TMEM71: variants seen among roughly 807,000 people sequenced by gnomAD.
The protein encoded by TMEM71 is transmembrane protein 71.
TMEM71 carries 44 observed loss-of-function variants against 38.0 expected under a neutral mutation model. The ratio of observed to expected loss-of-function variants is 1.16; its 90% CI spans 0.91 to 1.49. TMEM71 has a LOEUF of 1.49. Ranked by LOEUF, TMEM71 falls within the 40% of genes most tolerant of loss-of-function variation. The pLI, the probability that TMEM71 is intolerant of heterozygous loss-of-function variation, is 0.00. For missense variants in TMEM71, 367 were observed against 348.6 expected (o/e 1.05, Z -0.42); for synonymous variants, 133 against 122.5 (o/e 1.09, Z -0.56).
chr8:132,720,199 A>G (rs531911957), intron 7 of TMEM71, among the ~76,000 whole-genome samples: 1 of 152,234 alleles, frequency 6.6e-6, no homozygotes, highest in Admixed American at 6.5e-5. Flanking sequence ...CTGTTTCTCC[A>G]CTGAAGAGTT....
At chr8:132,770,773 C>G in the TMEM71 span, among the ~76,000 whole-genome samples, 2 of 152,172 alleles carry the variant, frequency 1.3e-5, no homozygotes, top group African/African-American at 4.8e-5. Context: ...CACTGCGGGT[C>G]TGAATATTTC....
At chr8:132,746,470 T>TATATACATATAC in intron 5 of TMEM71, among the ~76,000 whole-genome samples, 3 of 12,880 alleles carry the variant, frequency 2.3e-4, no homozygotes, top group African/African-American at 8.6e-4. Context: ...TATACATATA[T>TATATACATATAC]ATATACATAT....
At chr8:132,752,506 C>T (rs1199757841) in intron 3 of TMEM71, among the ~76,000 whole-genome samples, 6 of 152,152 alleles carry the variant, frequency 3.9e-5, no homozygotes, top group Admixed American at 3.9e-4. Flanking sequence ...CAGTTACCTT[C>T]CCTGATTTGG....
chr8:132,770,593 A>T, the TMEM71 span, among the ~76,000 whole-genome samples: 1 of 152,174 alleles, frequency 6.6e-6, no homozygotes, highest in Non-Finnish European at 1.5e-5. Context: ...ATCAAGCTAA[A>T]CCTTAAGAAG....
At position 132,722,030 on chromosome 8, in the gene TMEM71, C is replaced by T. The variant is rs755126444; in HGVS notation, c.752+10G>A. 8.4e-5 allele frequency: 135 copies of T among 1,610,752 alleles called. 2 individuals are homozygous for T. The highest frequency in any genetic ancestry group is 6.5e-4 in the South Asian group (59 of 91,028). On this transcript the variant is annotated intron_variant, in intron 7 of 9. Transcript: ENST00000677595. ...GAAATACCGCTGCATGAAAATAAAACGTGAATTACCTTGCACATGCAGAAA... is the reference window on the plus strand; with the variant it reads ...GAAATACCGCTGCATGAAAATAAAATGTGAATTACCTTGCACATGCAGAAA...
At chr8:132,716,940 A>T (rs924050824) in intron 7 of TMEM71, among the ~76,000 whole-genome samples, 2 of 152,198 alleles carry the variant, frequency 1.3e-5, no homozygotes, top group Non-Finnish European at 2.9e-5. Context: ...TACCAAAATG[A>T]TGTGCAAGGG....
chr8:132,722,082 G>T lies in TMEM71; in HGVS notation c.710C>A (p.Ala237Glu). 1 of 1,614,012 alleles carries T rather than the reference G, an allele frequency of 6.2e-7. No homozygotes were observed. The change falls in exon 7 of 10, where the codon GCA (alanine) becomes GAA (glutamate). Residue 237 changes from alanine to glutamate, a missense_variant. By Grantham distance (107) the Ala-to-Glu change is moderately radical. Coordinates refer to ENST00000677595, the MANE Select transcript of TMEM71 (RefSeq NM_001382403.1). Reference sequence around the variant, plus strand: ...GATTAAGCACACAGCAAGCAGGATTGCCTGAAAGAAGACCTCTTGCAACAA... The same window carrying T: ...GATTAAGCACACAGCAAGCAGGATTTCCTGAAAGAAGACCTCTTGCAACAA... ...TRLLQEVFFQ[A>E]ILLAVCLIIS...
At chr8:132,755,382 T>G (rs538276814) in intron 3 of TMEM71, among the ~76,000 whole-genome samples, 2 of 152,348 alleles carry the variant, frequency 1.3e-5, no homozygotes, top group South Asian at 4.1e-4. Flanking sequence ...TGCTTCATTC[T>G]GCTCTAATAA....
intron 7 of TMEM71, among the ~76,000 whole-genome samples, chr8:132,718,398 CTTT>C (rs36014367): frequency 3.1e-5 from 4 of 128,476 alleles, no homozygotes; most frequent in Non-Finnish European, 3.3e-5. Flanking sequence ...GGGATTTTCT[CTTT>C]TTTTTTTTTT....
At chr8:132,735,084 A>G (rs1586794464) in intron 5 of TMEM71, among the ~76,000 whole-genome samples, 1 of 152,360 alleles carries the variant, frequency 6.6e-6, no homozygotes, top group South Asian at 2.1e-4. Context: ...TGGCAGAAAT[A>G]GAGTCCATCC....
intron 6 of TMEM71, among the ~76,000 whole-genome samples, chr8:132,726,820 G>T (rs1250213948): frequency 6.6e-6 from 1 of 151,628 alleles, no homozygotes; most frequent in Non-Finnish European, 1.5e-5. Flanking sequence ...AGCATTAAAG[G>T]ATGTTCTTTT....
chr8:132,720,936 G>A (rs1208102925), intron 7 of TMEM71, among the ~76,000 whole-genome samples: 1 of 152,216 alleles, frequency 6.6e-6, no homozygotes, highest in East Asian at 1.9e-4. Flanking sequence ...CTAGGGAGAG[G>A]CAGATCCCAT....
intron 4 of TMEM71, 124 bp from the exon 5 acceptor site, chr8:132,747,238 T>C: frequency 1.2e-6 from 1 of 864,702 alleles, no homozygotes; most frequent in South Asian, 2.2e-5. Flanking sequence ...TCTACAAAAG[T>C]TTCTCAAAAT....
chr8:132,713,837 A>C (rs558229379), intron 9 of TMEM71, among the ~76,000 whole-genome samples, 158 bp downstream of exon 9: 1 of 152,334 alleles, frequency 6.6e-6, no homozygotes, highest in East Asian at 1.9e-4. Context: ...CAGGATGATA[A>C]TACTATTAAA....
At chr8:132,746,222 A>G (rs1158913215) in intron 5 of TMEM71, among the ~76,000 whole-genome samples, 1 of 150,942 alleles carries the variant, frequency 6.6e-6, no homozygotes, top group Admixed American at 6.6e-5. Flanking sequence ...AGTTCCCATC[A>G]CTGTGTTTAT....
At chr8:132,742,411 G>A (rs539516301) in intron 5 of TMEM71, among the ~76,000 whole-genome samples, 6 of 152,182 alleles carry the variant, frequency 3.9e-5, no homozygotes, top group South Asian at 2.1e-4. Context: ...AAAACACTCC[G>A]ATGTTGTCTC....
the TMEM71 span, among the ~76,000 whole-genome samples, chr8:132,768,001 A>T: frequency 1.3e-5 from 2 of 152,282 alleles, no homozygotes; most frequent in Admixed American, 6.5e-5. Flanking sequence ...GGGGGTAGGG[A>T]TGGGGATTAC....
chr8:132,721,539 CTTTTTT>C (rs796756774), intron 7 of TMEM71, among the ~76,000 whole-genome samples: 5 of 138,978 alleles, frequency 3.6e-5, no homozygotes, highest in African/African-American at 1.3e-4. Context: ...TTTTCTTTTT[CTTTTTT>C]TTTTGTCTTT....
chr8:132,736,713 T>C (rs905280290), intron 5 of TMEM71, among the ~76,000 whole-genome samples: 89 of 151,938 alleles, frequency 5.9e-4, no homozygotes, highest in African/African-American at 2.1e-3. Flanking sequence ...TGCCTGTAGT[T>C]CCAGCTACTT....
Sources: gnomAD v4.1 joint callset for allele counts (sites outside exome capture counted in the v4.1 genomes callset) on GRCh38, gnomAD v4.1.1 for gene constraint, MANE v1.5 for transcripts, NCBI Gene and HGNC (gene_info 2026-07-23, HGNC 2026-07-21) for gene names.